Variants in UBR3 observed in about 807,000 individuals in gnomAD.
The protein encoded by UBR3 is ubiquitin protein ligase E3 component n-recognin 3.
A neutral mutation model predicts 243.2 loss-of-function variants in UBR3; 85 were observed. The observed-to-expected ratio is 0.35, with a 90% CI of 0.29 to 0.42. UBR3 has a LOEUF of 0.42. Ranked by LOEUF, UBR3 falls within the 10% of genes least tolerant of loss-of-function variation. The pLI, the probability that UBR3 is intolerant of heterozygous loss-of-function variation, is 1.00. For missense variants in UBR3, 1,686 were observed against 2,300.8 expected (o/e 0.73, Z 5.47); for synonymous variants, 748 against 799.8 (o/e 0.94, Z 1.09).
At chr2:169,877,137 C>T (rs189564132) in intron 3 of UBR3, among the ~76,000 whole-genome samples, 42 of 152,274 alleles carry the variant, frequency 2.8e-4, no homozygotes, top group African/African-American at 8.4e-4. Context: ...AGGTGAATTC[C>T]GCTACATAAT....
chr2:169,898,762 C>A (rs532554898), intron 8 of UBR3, among the ~76,000 whole-genome samples: 1 of 140,066 alleles, frequency 7.1e-6, no homozygotes, highest in African/African-American at 2.8e-5. Flanking sequence ...GGTGCAGTGG[C>A]GCGATCTCAG....
At chr2:169,935,770 A>T (rs926408497) in intron 19 of UBR3, among the ~76,000 whole-genome samples, 2 of 152,134 alleles carry the variant, frequency 1.3e-5, no homozygotes, top group Non-Finnish European at 2.9e-5. Flanking sequence ...TTTCATTTGC[A>T]TTATTCTATT....
chr2:170,072,227 G>A (rs1195223194), intron 35 of UBR3, among the ~76,000 whole-genome samples: 1 of 152,142 alleles, frequency 6.6e-6, no homozygotes, highest in African/African-American at 2.4e-5. Flanking sequence ...ATACGCCATG[G>A]AATACTATGC....
intron 32 of UBR3, among the ~76,000 whole-genome samples, chr2:170,045,975 T>TA (rs2091076285): frequency 6.6e-6 from 1 of 150,572 alleles, no homozygotes; most frequent in Non-Finnish European, 1.5e-5. Context: ...TTTTTTTTTT[T>TA]TTTTTTTTTT....
At chr2:169,885,806 A>G (rs1356038934) in intron 5 of UBR3, among the ~76,000 whole-genome samples, 1 of 152,170 alleles carries the variant, frequency 6.6e-6, no homozygotes, top group East Asian at 1.9e-4. Flanking sequence ...TTCCAAAAAT[A>G]ATAGCAAAAG....
At chr2:169,952,920 A>G (rs2087104296) in intron 23 of UBR3, among the ~76,000 whole-genome samples, 1 of 152,144 alleles carries the variant, frequency 6.6e-6, no homozygotes, top group Admixed American at 6.5e-5. Flanking sequence ...TAGAAGGTTG[A>G]AAATGAGGTA....
chr2:170,061,466 G>T, intron 35 of UBR3, 23 bp downstream of exon 35: 1 of 1,516,964 alleles, frequency 6.6e-7, no homozygotes, highest in Non-Finnish European at 8.8e-7. Flanking sequence ...GGATATGTAA[G>T]AGGGAGCTTT....
In UBR3 at chr2:169,914,848, T is replaced by TTG. The variant is rs138233075; in HGVS notation, c.1866+726_1866+727dup. Among the ~76,000 whole-genome samples the TTG allele has an allele frequency of 4.7e-3, 439 of 93,734 alleles. 2 individuals are homozygous for TTG. The highest frequency in any genetic ancestry group is 9.9e-3 in the African/African-American group (327 of 33,002). The allele number at this position is 93,734 out of a possible 152,430, so 61.5% of individuals were successfully genotyped here. Reference sequence around the variant, plus strand: ...GTGGAGGGCAGGCAAATTTTATCTCTTGTGTGTGTGTGTGTGTGTGTGTGT... The same window carrying TTG: ...GTGGAGGGCAGGCAAATTTTATCTCTTGTGTGTGTGTGTGTGTGTGTGTGTGT... On this transcript the variant is annotated intron_variant, in intron 11 of 38. Coordinates refer to ENST00000272793, the MANE Select transcript of UBR3 (RefSeq NM_172070.4).
chr2:169,967,244 CCTACAGGGTATGCGCCCCCCG>C (rs2087859032), intron 24 of UBR3, among the ~76,000 whole-genome samples: 3 of 112,178 alleles, frequency 2.7e-5, no homozygotes, highest in African/African-American at 6.8e-5. Context: ...CCCCCACCCC[CCTACAGGGTATGCGCCCCCCG>C]CCCCCCCCCA....
chr2:169,836,116 C>T (rs1348330299), intron 1 of UBR3, among the ~76,000 whole-genome samples: 3 of 119,226 alleles, frequency 2.5e-5, no homozygotes, highest in Non-Finnish European at 3.3e-5. Flanking sequence ...CGCTCTGTCC[C>T]CATCAGACTC....
chr2:169,897,059 T>G (rs2084618342), intron 8 of UBR3, among the ~76,000 whole-genome samples: 1 of 152,138 alleles, frequency 6.6e-6, no homozygotes, highest in Non-Finnish European at 1.5e-5. Flanking sequence ...GTGTAATGAC[T>G]ATATTTATAG....
At chr2:169,913,992 A>G (rs560863987) in intron 10 of UBR3, 68 bp from the exon 11 acceptor site, 3 of 693,332 alleles carry the variant, frequency 4.3e-6, no homozygotes, top group East Asian at 3.6e-5. Flanking sequence ...ATATAATTAC[A>G]TATAATTTAA....
chr2:169,923,260 G>A (rs780781800), intron 11 of UBR3, among the ~76,000 whole-genome samples: 6 of 152,282 alleles, frequency 3.9e-5, no homozygotes, highest in Admixed American at 6.5e-5. Flanking sequence ...GGAATCTAAC[G>A]ATGCCCTGCA....
intron 26 of UBR3, among the ~76,000 whole-genome samples, chr2:169,996,901 A>G (rs755730276): frequency 4.6e-5 from 7 of 150,902 alleles, no homozygotes; most frequent in Admixed American, 1.3e-4. Context: ...GGGTTTCACC[A>G]TGTTGGCCAG....
At chr2:169,842,218 C>T (rs1398271844) in intron 1 of UBR3, among the ~76,000 whole-genome samples, 4 of 152,064 alleles carry the variant, frequency 2.6e-5, no homozygotes, top group African/African-American at 4.8e-5. Flanking sequence ...GTGCACCAAT[C>T]GACACTCTGT....
chr2:169,944,454 A>G (rs2086710944), intron 20 of UBR3, among the ~76,000 whole-genome samples: 1 of 152,198 alleles, frequency 6.6e-6, no homozygotes, highest in Admixed American at 6.5e-5. Context: ...TACAAATAGT[A>G]TTTTATGAAA....
chr2:169,878,616 G>T, intron 5 of UBR3, 42 bp downstream of exon 5: 7 of 1,515,002 alleles, frequency 4.6e-6, no homozygotes, highest in Non-Finnish European at 6.2e-6. Context: ...GTACAATTTT[G>T]TGCTTTTTTA....
At chr2:170,044,133 C>A (rs912683395) in intron 32 of UBR3, among the ~76,000 whole-genome samples, 1 of 151,830 alleles carries the variant, frequency 6.6e-6, no homozygotes, top group African/African-American at 2.4e-5. Flanking sequence ...TTCTCCACTC[C>A]CTTTTGATGT....
rs2091930027 is a variant in UBR3 at position 170,082,986 on chromosome 2, C to T, written c.*1143C>T. The T allele has an allele frequency of 6.6e-6, 1 of 152,504 alleles. No individual in the cohort carries two copies. The highest frequency in any genetic ancestry group is 2.4e-5 in the African/African-American group (1 of 41,412). 9.4% of individuals were successfully genotyped at this position (152,504 alleles called of 1,614,324 possible). On this transcript the variant is annotated 3_prime_UTR_variant, in exon 39 of 39. Coordinates refer to ENST00000272793, the MANE Select transcript of UBR3 (RefSeq NM_172070.4). The stretch of plus-strand genomic sequence containing the variant: ...GGGAATGATTGAGCTAAAACCCACT[C>T]TATGAGAAGGAAGATTACTGAAAAG...
Sources: gnomAD v4.1 joint callset for allele counts (sites outside exome capture counted in the v4.1 genomes callset) on GRCh38, gnomAD v4.1.1 for gene constraint, MANE v1.5 for transcripts, NCBI Gene and HGNC (gene_info 2026-07-23, HGNC 2026-07-21) for gene names.